Variants in GPC5 observed in about 807,000 individuals in gnomAD.
The protein encoded by GPC5 is glypican 5, also known as glypican-5.
A neutral mutation model predicts 53.9 loss-of-function variants in GPC5; 47 were observed. The ratio of observed to expected loss-of-function variants is 0.87; its 90% CI spans 0.69 to 1.11. GPC5 has a LOEUF of 1.11. Among genes scored for constraint, GPC5 ranks in the 50% most tolerant of loss-of-function variants. The pLI is 0.00. For synonymous variants in GPC5, 286 were observed against 263.3 expected, an observed-to-expected ratio of 1.09 and a Z score of -0.84; for missense variants, 748 against 713.1, an observed-to-expected ratio of 1.05 and a Z score of -0.56.
intron 6 of GPC5, among the ~76,000 whole-genome samples, chr13:92,138,445 G>T (rs888469801): frequency 6.6e-6 from 1 of 151,288 alleles, no homozygotes; most frequent in Non-Finnish European, 1.5e-5. Context: ...GCTTGAACCC[G>T]GGAGGCGGAG....
At chr13:91,720,312 GTTC>G (rs1318977548) in intron 3 of GPC5, among the ~76,000 whole-genome samples, 36 of 152,122 alleles carry the variant, frequency 2.4e-4, no homozygotes, top group Non-Finnish European at 1.0e-4. Flanking sequence ...CACTGATAGT[GTTC>G]TTCTGATTAG....
intron 5 of GPC5, among the ~76,000 whole-genome samples, chr13:91,893,119 TCA>T (rs974946065): frequency 6.6e-6 from 1 of 152,096 alleles, no homozygotes. Context: ...TAAATTACTC[TCA>T]CATATCAAAG....
intron 7 of GPC5, among the ~76,000 whole-genome samples, chr13:92,364,706 G>C (rs1456424638): frequency 6.6e-6 from 1 of 151,556 alleles, no homozygotes; most frequent in Non-Finnish European, 1.5e-5. Context: ...CTCCAGTCTG[G>C]GTGACAGAGT....
chr13:91,592,657 G>A (rs2032844396), intron 2 of GPC5, among the ~76,000 whole-genome samples: 1 of 152,196 alleles, frequency 6.6e-6, no homozygotes, highest in African/African-American at 2.4e-5. Context: ...TCCAGCCCTG[G>A]GTGCTAGGAT....
At chr13:92,414,009 A>G (rs1876169811) in intron 7 of GPC5, among the ~76,000 whole-genome samples, 1 of 152,158 alleles carries the variant, frequency 6.6e-6, no homozygotes, top group Non-Finnish European at 1.5e-5. Context: ...AGGAGTTATA[A>G]GTTAAATCAA....
At chr13:92,207,320 C>A (rs755553540) in intron 7 of GPC5, among the ~76,000 whole-genome samples, 5 of 152,190 alleles carry the variant, frequency 3.3e-5, no homozygotes, top group African/African-American at 1.2e-4. Flanking sequence ...GCCCACTAAC[C>A]CCTGAGGAAT....
Position 92,703,380 on chromosome 13 carries a change from T to C in GPC5, c.1562-162902T>C, listed in dbSNP as rs569823828. On this transcript the variant is annotated intron_variant, in intron 7 of 7. Coordinates refer to ENST00000377067, the MANE Select transcript of GPC5 (RefSeq NM_004466.6). ...ATAGATAATATCTAATACTAGAAAT[T>C]CAGAAATAATTATATAAGTACTTTA... 2.4e-4 allele frequency among the ~76,000 whole-genome samples: 37 copies of C among 151,620 alleles called. No homozygotes were observed. In the South Asian group the frequency reaches 7.5e-3, roughly 31 times the overall value.
chr13:92,008,462 G>A (rs1370482503), intron 6 of GPC5, among the ~76,000 whole-genome samples: 1 of 151,540 alleles, frequency 6.6e-6, no homozygotes, highest in Non-Finnish European at 1.5e-5. Flanking sequence ...TCCCCATGAG[G>A]AAGCATCTCT....
chr13:91,784,738 A>AG (rs397765422), intron 5 of GPC5, among the ~76,000 whole-genome samples: 1 of 151,538 alleles, frequency 6.6e-6, no homozygotes, highest in Admixed American at 6.6e-5. Flanking sequence ...AAAAAAAAAA[A>AG]TGACCTATTT....
chr13:92,680,815 G>A (rs1173115697), intron 7 of GPC5, among the ~76,000 whole-genome samples: 3 of 152,094 alleles, frequency 2.0e-5, no homozygotes, highest in Non-Finnish European at 4.4e-5. Context: ...TAAACGCAAC[G>A]GGAAGACACA....
At chr13:92,493,145 G>A (rs887037356) in intron 7 of GPC5, among the ~76,000 whole-genome samples, 1 of 152,152 alleles carries the variant, frequency 6.6e-6, no homozygotes, top group Non-Finnish European at 1.5e-5. Context: ...TAGAAATTAT[G>A]TTTTAAAAAT....
At chr13:92,184,557 T>C (rs189024766) in intron 7 of GPC5, among the ~76,000 whole-genome samples, 68 of 152,204 alleles carry the variant, frequency 4.5e-4, no homozygotes, top group Non-Finnish European at 8.4e-4. Context: ...TCCAATCATC[T>C]CTTCACTACC....
chr13:92,825,765 TA>T (rs1877825664), intron 7 of GPC5, among the ~76,000 whole-genome samples: 1 of 152,152 alleles, frequency 6.6e-6, no homozygotes, highest in Non-Finnish European at 1.5e-5. Flanking sequence ...TATGTCCTTG[TA>T]AAAGGTATAT....
chr13:91,725,510 C>T (rs556374533), intron 3 of GPC5, among the ~76,000 whole-genome samples: 3 of 152,194 alleles, frequency 2.0e-5, no homozygotes, highest in African/African-American at 7.2e-5. Flanking sequence ...GTTAATCTCC[C>T]TCATAGCAAG....
chr13:92,208,650 A>G (rs1348856185), intron 7 of GPC5, among the ~76,000 whole-genome samples: 1 of 152,246 alleles, frequency 6.6e-6, no homozygotes, highest in East Asian at 1.9e-4. Context: ...CTTTAAGGCA[A>G]TAAAGAAATA....
intron 7 of GPC5, among the ~76,000 whole-genome samples, chr13:92,507,194 A>G (rs1172268310): frequency 6.6e-6 from 1 of 152,098 alleles, no homozygotes; most frequent in East Asian, 1.9e-4. Flanking sequence ...AAGATCAACT[A>G]CTTACTCAAC....
intron 7 of GPC5, among the ~76,000 whole-genome samples, chr13:92,431,388 A>G (rs1255324880): frequency 1.1e-5 from 1 of 95,210 alleles, no homozygotes; most frequent in African/African-American, 5.0e-5. Flanking sequence ...TTAAAGACAC[A>G]GCTTTTTTTT....
At chr13:92,211,248 C>T (rs2042372657) in intron 7 of GPC5, among the ~76,000 whole-genome samples, 1 of 152,170 alleles carries the variant, frequency 6.6e-6, no homozygotes, top group Admixed American at 6.5e-5. Flanking sequence ...GTCCTGAGAA[C>T]TCTTAAGGCA....
At chr13:92,010,004 G>A (rs2040645439) in intron 6 of GPC5, among the ~76,000 whole-genome samples, 1 of 152,092 alleles carries the variant, frequency 6.6e-6, no homozygotes, top group African/African-American at 2.4e-5. Context: ...ACTTTGTATA[G>A]ATATAAACAA....
Sources: gnomAD v4.1 joint callset for allele counts (sites outside exome capture counted in the v4.1 genomes callset) on GRCh38, gnomAD v4.1.1 for gene constraint, MANE v1.5 for transcripts, NCBI Gene and HGNC (gene_info 2026-07-23, HGNC 2026-07-21) for gene names.